Variants in KMT2A observed in about 807,000 individuals in gnomAD.
The protein encoded by KMT2A is lysine methyltransferase 2A.
In KMT2A, 16 loss-of-function variants were observed where a neutral mutation model predicts 345.3. The observed-to-expected ratio is 0.05, with a 90% confidence interval of 0.03 to 0.07. KMT2A has a LOEUF of 0.07. KMT2A is among the 10% of genes least tolerant of loss of function. The pLI, the probability that KMT2A is intolerant of heterozygous loss-of-function variation, is 1.00. For synonymous variants in KMT2A, 1,599 were observed against 1,778.6 expected (o/e 0.90, Z 2.54); for missense variants, 3,272 against 4,841.6 (o/e 0.68, Z 9.62).
rs782068838 is a variant in KMT2A at position 118,502,619 on chromosome 11, G to A, written c.6727G>A (p.Ala2243Thr). 10 of 1,613,986 alleles carry A rather than the reference G, an allele frequency of 6.2e-6. No homozygotes were observed. The highest frequency in any genetic ancestry group is 2.7e-5 in the African/African-American group (2 of 74,888). The change falls in exon 27 of 36, where the codon GCC becomes ACC. Residue 2243 changes from alanine to threonine, a missense_variant. Ala to Thr is a moderately conservative substitution (Grantham distance 58). This residue lies in a region of KMT2A where 445 missense variants were observed against 500.9 expected (regional missense o/e 0.89). Coordinates refer to ENST00000534358, the MANE Select transcript of KMT2A (RefSeq NM_001197104.2). The surrounding 1 kb of genome is among the most constrained non-coding windows in gnomAD (Gnocchi z 4.9). ...GACCGCTACTGATCTTGAATCAAGTGCCAAAGTAGTTGATCATGTCTTAGG... is the reference window on the plus strand; with the variant it reads ...GACCGCTACTGATCTTGAATCAAGTACCAAAGTAGTTGATCATGTCTTAGG... The part of the protein sequence containing the change: ...TGTATDLESS[A>T]KVVDHVLGPL...
rs141438728 is a variant in KMT2A at position 118,497,061 on chromosome 11, A to G, written c.5664+694A>G. ...CTCTTGTTGCCCAGGCTGGAGTGCA[A>G]TGGCGTGATCTCGGCTCACTACAAC... On this transcript the variant is annotated intron_variant, in intron 20 of 35. Coordinates refer to ENST00000534358, the MANE Select transcript of KMT2A (RefSeq NM_001197104.2). The surrounding 1 kb of genome is among the most constrained non-coding windows in gnomAD (Gnocchi z 4.8). Among the ~76,000 whole-genome samples the G allele has an allele frequency of 1.0e-2, 1,512 of 151,916 alleles. 7 individuals are homozygous for G. Among genetic ancestry groups the G allele is most frequent in the Non-Finnish European group, 0.015 (1,034 of 67,938 alleles).
At chr11:118,459,336 G>C (rs1949703858) in intron 1 of KMT2A, among the ~76,000 whole-genome samples, 1 of 152,090 alleles carries the variant, frequency 6.6e-6, no homozygotes, top group Non-Finnish European at 1.5e-5. Context: ...CAAAGTGCTG[G>C]GATTACAGGT....
At chr11:118,437,680 C>A (rs12273879) in intron 1 of KMT2A, among the ~76,000 whole-genome samples, 57 of 151,512 alleles carry the variant, frequency 3.8e-4, no homozygotes, top group African/African-American at 1.4e-3. Flanking sequence ...TCTCTTCCCC[C>A]CCCCGCCCCG....
At position 118,478,248 on chromosome 11, in the gene KMT2A, G is replaced by T. The variant is rs9332786; in HGVS notation, c.3569+47G>T. The T allele has an allele frequency of 4.4e-3, 6,446 of 1,456,424 alleles. 262 individuals carry two copies. The African/African-American group carries it at 0.076, about 17-fold the overall frequency. The allele number at this position is 1,456,424 out of a possible 1,614,324, so 90.2% of individuals were successfully genotyped here. On this transcript the variant is annotated intron_variant, in intron 5 of 35. Coordinates refer to ENST00000534358, the MANE Select transcript of KMT2A (RefSeq NM_001197104.2). ...AGATGTTGACCTCTCAACCATAAAG[G>T]TTGCTTATTTATCCCTAGTTTGTTG...
intron 1 of KMT2A, among the ~76,000 whole-genome samples, chr11:118,453,018 T>C (rs1949571950): frequency 6.6e-6 from 1 of 152,076 alleles, no homozygotes; most frequent in Admixed American, 6.6e-5. Context: ...GTACCTGCAG[T>C]TATCTCATCT....
At position 118,505,592 on chromosome 11, in the gene KMT2A, A is replaced by C. The variant is rs781889756; in HGVS notation, c.9700A>C (p.Asn3234His). Residue 3234 changes from asparagine (N) to histidine (H), a missense_variant, in exon 27 of 36, where the codon AAT becomes CAT. Physicochemically the swap from Asn to His is moderately conservative, Grantham distance 68. Transcript: ENST00000534358. The surrounding 1 kb of genome is among the most constrained non-coding windows in gnomAD (Gnocchi z 4.6). ...RPISRLQTRK[N>H]KKLAPSSTPS... ...CATATCTCGTCTACAGACCCGAAAG[A>C]ATAAAAAACTTGCTCCCTCTAGTAC... 2 of 1,614,124 alleles carry C rather than the reference A, an allele frequency of 1.2e-6. No homozygotes were observed. The highest frequency in any genetic ancestry group is 3.3e-5 in the Admixed American group (2 of 60,022).
rs782192767 is a variant in KMT2A, at chr11:118,491,700, C to T, written c.4820-44C>T. 9.1e-6 allele frequency: 13 copies of T among 1,433,222 alleles called. No homozygotes were observed. Among genetic ancestry groups the T allele is most frequent in the Non-Finnish European group, 1.2e-5 (13 of 1,046,790 alleles). 88.8% of individuals were successfully genotyped at this position (1,433,222 alleles called of 1,614,324 possible). On this transcript the variant is annotated intron_variant, in intron 14 of 35. Coordinates refer to ENST00000534358, the MANE Select transcript of KMT2A (RefSeq NM_001197104.2). The surrounding 1 kb of genome is among the most constrained non-coding windows in gnomAD (Gnocchi z 4.2). The stretch of plus-strand genomic sequence containing the variant: ...ATAGTTTCCTCTTCTTCCTCTCTCT[C>T]ATTCTTCAGAGGACCTCATCATGGT...
rs369292004 is a variant in KMT2A, at chr11:118,506,005, G to A, written c.10113G>A (p.Arg3371=). ...GACACGTCACCTTAACCAACCCAAG[G>A]TTGCTTGGTACCCCAGATATTGGCT... ...VPGHVTLTNP[R]LLGTPDIGSI... is the part of the protein sequence containing the mutation. The change falls in exon 27 of 36, where the codon AGG becomes AGA. Residue 3371 remains arginine (R), a synonymous_variant. Coordinates refer to ENST00000534358, the MANE Select transcript of KMT2A (RefSeq NM_001197104.2). The A allele has an allele frequency of 9.8e-5, 158 of 1,613,996 alleles. No homozygotes were observed. The highest frequency in any genetic ancestry group is 1.2e-4 in the Non-Finnish European group (147 of 1,180,028).
Position 118,493,689 on chromosome 11 carries a change from G to T in KMT2A, c.5178+459G>T, listed in dbSNP as rs9332816. Among the ~76,000 whole-genome samples the T allele has an allele frequency of 0.11, 16,548 of 151,902 alleles. 1,490 individuals carry two copies. Among genetic ancestry groups the T allele is most frequent in the African/African-American group, 0.24 (10,024 of 41,418 alleles). ...TTATTATCTCATGATCTATATTTGCGATTCTGTTGTTTATTTTTATTTATT... is the reference window on the plus strand; with the variant it reads ...TTATTATCTCATGATCTATATTTGCTATTCTGTTGTTTATTTTTATTTATT... On this transcript the variant is annotated intron_variant, in intron 16 of 35. Transcript: ENST00000534358. This position sits in a 1 kb window ranked among gnomAD's most constrained non-coding sequence, Gnocchi z 5.8.
intron 2 of KMT2A, among the ~76,000 whole-genome samples, chr11:118,470,860 C>T (rs1949931258): frequency 6.6e-6 from 1 of 152,178 alleles, no homozygotes; most frequent in Non-Finnish European, 1.5e-5. Context: ...GCTTGAAAAG[C>T]AGCAAACTGA....
In KMT2A at chr11:118,494,486, T is replaced by C; in HGVS notation, c.5289+88T>C. ...AATGAACTTGTTCTCTTCTACTTTT[T>C]GCTTTGTGGTGTGTATAAAACATCT... On this transcript the variant is annotated intron_variant, in intron 17 of 35. Coordinates refer to ENST00000534358, the MANE Select transcript of KMT2A (RefSeq NM_001197104.2). The surrounding 1 kb of genome is among the most constrained non-coding windows in gnomAD (Gnocchi z 5.8). 1.3e-5 allele frequency: 11 copies of C among 867,742 alleles called. No individual in the cohort carries two copies. The highest frequency in any genetic ancestry group is 2.1e-5 in the Non-Finnish European group (11 of 535,976). The allele number at this position is 867,742 out of a possible 1,614,324, so 53.8% of individuals were successfully genotyped here.
In KMT2A at chr11:118,468,777, T is replaced by C. The variant is rs1399047910; in HGVS notation, c.435T>C (p.Asp145=). ...AAAATAATTTTCCTTTGTTGTAGGA[T>C]GAGCAATTCTTAGGTTTTGGCTCAG... ...ESGGGGGSGE[D]EQFLGFGSDE... Residue 145 remains aspartate, a splice_region_variant and synonymous_variant, in exon 2 of 36, where the codon GAT becomes GAC. Coordinates refer to ENST00000534358, the MANE Select transcript of KMT2A (RefSeq NM_001197104.2). 9 of 1,612,258 alleles carry C rather than the reference T, an allele frequency of 5.6e-6. No individual in the cohort carries two copies. The highest frequency in any genetic ancestry group is 1.3e-5 in the African/African-American group (1 of 74,882).
intron 2 of KMT2A, among the ~76,000 whole-genome samples, chr11:118,469,471 A>C (rs1404963412): frequency 6.6e-6 from 1 of 152,224 alleles, no homozygotes; most frequent in Non-Finnish European, 1.5e-5. Flanking sequence ...TAAAATAAAA[A>C]AATGGAAAAT....
chr11:118,468,927 A>G, intron 2 of KMT2A, 83 bp downstream of exon 2: 1 of 1,023,810 alleles, frequency 9.8e-7, no homozygotes, highest in South Asian at 1.3e-5. Flanking sequence ...TTACATGTAA[A>G]GGATGCTCTA....
Position 118,488,643 on chromosome 11 carries a change from C to T in KMT2A, c.4362C>T (p.Pro1454=), listed in dbSNP as rs1950272226. Residue 1454 remains proline, a synonymous_variant, in exon 11 of 36, where the codon CCC becomes CCT. Coordinates refer to ENST00000534358, the MANE Select transcript of KMT2A (RefSeq NM_001197104.2). ...TGTATTGCCAAGTCTGTTGTGAGCC[C>T]TTCCACAAGTTTTGTTTAGAGGAGA... ...EFVYCQVCCE[P]FHKFCLEENE... 6.2e-7 allele frequency: 1 copy of T among 1,613,956 alleles called. No individual in the cohort carries two copies. Among genetic ancestry groups the T allele is most frequent in the Non-Finnish European group, 8.5e-7 (1 of 1,179,948 alleles).
chr11:118,476,980 A>T lies in KMT2A; in HGVS notation c.3332A>T (p.Asp1111Val), dbSNP rs1950048725. The T allele has an allele frequency of 6.2e-7, 1 of 1,613,886 alleles. No individual in the cohort carries two copies. Residue 1111 changes from aspartate to valine, a missense_variant and splice_region_variant, in exon 4 of 36, where the codon GAT (aspartate) becomes GTT (valine). Around this residue, in one of 27 missense-constraint regions of KMT2A, gnomAD observed 33 missense variants for 46.5 expected, o/e 0.71. Coordinates refer to ENST00000534358, the MANE Select transcript of KMT2A (RefSeq NM_001197104.2). This position sits in a 1 kb window ranked among gnomAD's most constrained non-coding sequence, Gnocchi z 4.1. ...REKILSSMGNDDKSSIAGSED... is the reference protein window; with the variant it reads ...REKILSSMGNVDKSSIAGSED... ...AAGATTTTGTCTTCCATGGGGAATG[A>T]TGGTAGGTCAAGAAGGTCAATCTTG...
In KMT2A at chr11:118,521,408, C is replaced by T. The variant is rs1555053502; in HGVS notation, c.11634C>T (p.Tyr3878=). 16 of 1,614,014 alleles carry T rather than the reference C, an allele frequency of 9.9e-6. No homozygotes were observed. The highest frequency in any genetic ancestry group is 2.2e-5 in the South Asian group (2 of 91,062). The change falls in exon 35 of 36, where the codon TAC becomes TAT. Residue 3878 remains tyrosine (Y), a synonymous_variant. Coordinates refer to ENST00000534358, the MANE Select transcript of KMT2A (RefSeq NM_001197104.2). This position sits in a 1 kb window ranked among gnomAD's most constrained non-coding sequence, Gnocchi z 5.3. ...AGACTGACAAGCGGGAAAAGTATTA[C>T]GACAGCAAGGTAAGTCTCCCACTTG... ...SIQTDKREKY[Y]DSKGIGCYMF...
rs781853027 is a variant in KMT2A at position 118,505,276 on chromosome 11, G to A, written c.9384G>A (p.Met3128Ile). The part of the protein sequence containing the change: ...METNTSVLGP[M>I]GGGLTLTTGL... ...CAAATACTTCAGTATTGGGACCCAT[G>A]GGAGGTGGTCTCACCCTTACCACAG... is the stretch of plus-strand genomic sequence containing the variant. Residue 3128 changes from methionine (M) to isoleucine (I), a missense_variant, in exon 27 of 36, where the codon ATG (methionine) becomes ATA (isoleucine). Transcript: ENST00000534358. This position sits in a 1 kb window ranked among gnomAD's most constrained non-coding sequence, Gnocchi z 4.6. 2 of 1,614,162 alleles carry A rather than the reference G, an allele frequency of 1.2e-6. No homozygotes were observed. The highest frequency in any genetic ancestry group is 1.7e-5 in the Admixed American group (1 of 60,026).
chr11:118,489,311 C>G (rs1262797875), intron 11 of KMT2A, among the ~76,000 whole-genome samples: 1 of 151,368 alleles, frequency 6.6e-6, no homozygotes, highest in African/African-American at 2.4e-5. Context: ...TGTCTAGGGA[C>G]TTGGGCATCC....
Sources: gnomAD v4.1 joint callset for allele counts (sites outside exome capture counted in the v4.1 genomes callset) on GRCh38, gnomAD v4.1.1 for gene constraint, gnomAD v4.1.1 regional missense constraint, Gnocchi (gnomAD v3.1) non-coding constraint, MANE v1.5 for transcripts, NCBI Gene and HGNC (gene_info 2026-07-23, HGNC 2026-07-21) for gene names.